Variants in GRID2IP observed in about 807,000 individuals in gnomAD.
The protein encoded by GRID2IP is Grid2 interacting protein, also known as delphilin.
GRID2IP carries 78 observed loss-of-function variants against 114.3 expected under a neutral mutation model. The observed-to-expected ratio is 0.68, with a 90% CI of 0.57 to 0.82. GRID2IP has a LOEUF of 0.82. GRID2IP is among the 40% of genes least tolerant of loss of function. The probability of loss-of-function intolerance (pLI) is 0.00; values close to 1 mark genes in which losing one functional copy is unlikely to be tolerated. For synonymous variants in GRID2IP, 809 were observed against 724.0 expected (o/e 1.12, Z -1.89); for missense variants, 1,727 against 1,678.5 (o/e 1.03, Z -0.51).
intron 2 of GRID2IP, among the ~76,000 whole-genome samples, chr7:6,527,175 C>T (rs893107108): frequency 6.6e-6 from 1 of 152,116 alleles, no homozygotes; most frequent in East Asian, 1.9e-4. Context: ...TCTCCCACCT[C>T]GTCTCTAGAT....
chr7:6,551,208 G>A lies in GRID2IP; in HGVS notation c.229C>T (p.Pro77Ser). 6.7e-7 allele frequency: 1 copy of A among 1,486,070 alleles called. No homozygotes were observed. The highest frequency in any genetic ancestry group is 8.9e-7 in the Non-Finnish European group (1 of 1,125,758). 92.1% of individuals were successfully genotyped at this position (1,486,070 alleles called of 1,614,324 possible). A position where few individuals can be genotyped will look rare whatever the true frequency, so the allele number is the denominator to read the frequency against. Residue 77 changes from proline (P) to serine (S), a missense_variant, in exon 1 of 22, where the codon CCC (proline) becomes TCC (serine). Transcript: ENST00000457091. ...GGAGCCGGGAGCACGCCCAGACTGG[G>A]CGGCACACGTGGGCAGCGCCGTGCC... ...RLARRCPRVP[P>S]SLGVLPAPDG...
Position 6,509,304 on chromosome 7 carries a change from G to T in GRID2IP, c.1781C>A (p.Thr594Asn). 1.3e-6 allele frequency: 2 copies of T among 1,507,334 alleles called. No homozygotes were observed. The highest frequency in any genetic ancestry group is 1.8e-6 in the Non-Finnish European group (2 of 1,127,048). 93.4% of individuals were successfully genotyped at this position (1,507,334 alleles called of 1,614,324 possible). The change falls in exon 12 of 22, where the codon ACC (threonine) becomes AAC (asparagine). Residue 594 changes from threonine to asparagine, a missense_variant. Thr to Asn is a moderately conservative substitution (Grantham distance 65). Transcript: ENST00000457091. This position sits in a 1 kb window ranked among gnomAD's most constrained non-coding sequence, Gnocchi z 4.9. ...GCTGGGCCATGAGACGCCGGACAGG[G>T]TCCTGGGCCCTGGAGGAGGGATGGA... ...PSPAVTTGPRTLSGVSWPSER... is the reference protein window; with the variant it reads ...PSPAVTTGPRNLSGVSWPSER...
At chr7:6,504,684 G>T in intron 15 of GRID2IP, 109 bp downstream of exon 15, 2 of 835,182 alleles carry the variant, frequency 2.4e-6, no homozygotes, top group Non-Finnish European at 3.8e-6. Flanking sequence ...AGCGACAGGA[G>T]GCCGGGTCCC....
intron 1 of GRID2IP, among the ~76,000 whole-genome samples, chr7:6,546,122 G>C (rs2115102111): frequency 6.6e-6 from 1 of 151,840 alleles, no homozygotes; most frequent in East Asian, 2.0e-4. Flanking sequence ...GGAAAAACTG[G>C]GGCAGGCAGA....
chr7:6,546,152 AG>A (rs1165442645), intron 1 of GRID2IP, among the ~76,000 whole-genome samples: 28 of 151,822 alleles, frequency 1.8e-4, no homozygotes, highest in South Asian at 8.3e-4. Context: ...CGAGAACTGG[AG>A]GGCTGGTGAT....
chr7:6,498,367 G>C (rs1485105404), intron 20 of GRID2IP, 139 bp from the exon 21 acceptor site: 4 of 758,622 alleles, frequency 5.3e-6, no homozygotes, highest in Non-Finnish European at 8.3e-6. Flanking sequence ...GTGTCCAACA[G>C]GGAACCAGGC....
At chr7:6,538,211 C>T (rs1243432763) in intron 2 of GRID2IP, among the ~76,000 whole-genome samples, 4 of 151,806 alleles carry the variant, frequency 2.6e-5, no homozygotes, top group African/African-American at 7.3e-5. Context: ...TAAAAAAATA[C>T]AAAAATTAGC....
rs1304222362 is a variant in GRID2IP, at chr7:6,510,915, G to T, written c.1548C>A (p.Leu516=). The T allele has an allele frequency of 1.4e-5, 22 of 1,549,938 alleles. No homozygotes were observed. The highest frequency in any genetic ancestry group is 1.8e-5 in the Non-Finnish European group (21 of 1,146,100). The change falls in exon 9 of 22, where the codon CTC becomes CTA. Residue 516 remains leucine, a synonymous_variant. Transcript: ENST00000457091. ...SLRSQGLEAG[L]SCGPSECPEM... ...CCCTGACACCAGCCTTACCGCAGCTGAGGCCGGCCTCCAGGCCCTGGGACC... is the reference window on the plus strand; with the variant it reads ...CCCTGACACCAGCCTTACCGCAGCTTAGGCCGGCCTCCAGGCCCTGGGACC...
intron 20 of GRID2IP, among the ~76,000 whole-genome samples, chr7:6,500,175 C>A (rs1484583097): frequency 6.7e-6 from 1 of 150,228 alleles, no homozygotes; most frequent in African/African-American, 2.4e-5. Flanking sequence ...TGCAAAACAT[C>A]TGGGTGGGCC....
At position 6,507,141 on chromosome 7, in the gene GRID2IP, A is replaced by G. The variant is rs1786616093; in HGVS notation, c.2544+844T>C. Among the ~76,000 whole-genome samples, 1 of 152,186 alleles carries G rather than the reference A, an allele frequency of 6.6e-6. No individual in the cohort carries two copies. Among genetic ancestry groups the G allele is most frequent in the Admixed American group, 6.5e-5 (1 of 15,282 alleles). On this transcript the variant is annotated intron_variant, in intron 13 of 21. Coordinates refer to ENST00000457091, the MANE Select transcript of GRID2IP (RefSeq NM_001145118.2). The surrounding 1 kb of genome is among the most constrained non-coding windows in gnomAD (Gnocchi z 5.3). ...ATGTGAGAGTGAGCTATTGATCCCA[A>G]GAAGATGGAGTTGAGGATGATGGTG...
intron 1 of GRID2IP, among the ~76,000 whole-genome samples, chr7:6,543,529 A>G (rs1245527147): frequency 6.6e-6 from 1 of 152,010 alleles, no homozygotes; most frequent in Non-Finnish European, 1.5e-5. Context: ...TCATCTCATC[A>G]GGCAGCCTTT....
At position 6,511,008 on chromosome 7, in the gene GRID2IP, G is replaced by C; in HGVS notation, c.1455C>G (p.Ser485=). The change falls in exon 9 of 22, where the codon TCC becomes TCG. Residue 485 remains serine (S), a synonymous_variant. Transcript: ENST00000457091. ...AEPEPELDLE[S]EPTPEPQPRS... is the part of the protein sequence containing the mutation. ...GCGGCTGGGGCTCAGGCGTGGGCTC[G>C]GACTCCAGGTCCAGCTCAGGCTCCG... 1 of 1,507,852 alleles carries C rather than the reference G, an allele frequency of 6.6e-7. No homozygotes were observed. 93.4% of individuals were successfully genotyped at this position (1,507,852 alleles called of 1,614,324 possible).
At chr7:6,499,786 G>C (rs542746813) in intron 20 of GRID2IP, among the ~76,000 whole-genome samples, 1 of 151,870 alleles carries the variant, frequency 6.6e-6, no homozygotes, top group East Asian at 1.9e-4. Flanking sequence ...CTACAGTGCA[G>C]TGGTGTGATC....
chr7:6,530,622 G>A (rs1779603192), intron 2 of GRID2IP, among the ~76,000 whole-genome samples: 1 of 151,582 alleles, frequency 6.6e-6, no homozygotes, highest in African/African-American at 2.4e-5. Flanking sequence ...CCAGCGAAAT[G>A]GTGGCAAGGG....
At position 6,499,031 on chromosome 7, in the gene GRID2IP, G is replaced by T. The variant is rs577615720; in HGVS notation, c.3400-803C>A. Among the ~76,000 whole-genome samples, 7 of 152,324 alleles carry T rather than the reference G, an allele frequency of 4.6e-5. No individual in the cohort carries two copies. In the South Asian group the frequency reaches 6.2e-4, roughly 14 times the overall value. On this transcript the variant is annotated intron_variant, in intron 20 of 21. Coordinates refer to ENST00000457091, the MANE Select transcript of GRID2IP (RefSeq NM_001145118.2). ...TGATACATGGTCAGTCTTGCAAAAA[G>T]ATTCAGTGGCTGAATCGCTATCATT...
intron 11 of GRID2IP, 87 bp downstream of exon 11, chr7:6,510,196 C>T (rs555331533): frequency 9.4e-6 from 8 of 852,024 alleles, no homozygotes; most frequent in Non-Finnish European, 1.5e-5. Context: ...CAACCCTGAC[C>T]CTGATGGAGC....
chr7:6,505,731 A>T, intron 14 of GRID2IP, 89 bp downstream of exon 14: 1 of 793,398 alleles, frequency 1.3e-6, no homozygotes, highest in Non-Finnish European at 2.1e-6. Flanking sequence ...GTTAAATAGT[A>T]GTCAGTGCAG....
In GRID2IP at chr7:6,523,117, T is replaced by G. The variant is rs1433499402; in HGVS notation, c.920-1160A>C. On this transcript the variant is annotated intron_variant, in intron 4 of 21. Coordinates refer to ENST00000457091, the MANE Select transcript of GRID2IP (RefSeq NM_001145118.2). This position sits in a 1 kb window ranked among gnomAD's most constrained non-coding sequence, Gnocchi z 4.5. ...CCACGTAGTCCTCTTTCTGCCTCTT[T>G]TATGAGTCATCATTCTAAATGTAAT... 1.3e-5 allele frequency among the ~76,000 whole-genome samples: 2 copies of G among 152,108 alleles called. No individual in the cohort carries two copies. The highest frequency in any genetic ancestry group is 4.8e-5 in the African/African-American group (2 of 41,408).
chr7:6,541,451 G>A (rs985364828), intron 1 of GRID2IP, among the ~76,000 whole-genome samples: 8 of 152,130 alleles, frequency 5.3e-5, no homozygotes, highest in African/African-American at 9.7e-5. Context: ...GTCCTGGCAC[G>A]TCAGCTTGGC....
Sources: allele counts gnomAD v4.1 joint callset (sites outside exome capture counted in the v4.1 genomes callset), GRCh38; gene constraint gnomAD v4.1.1; non-coding constraint Gnocchi (gnomAD v3.1); transcripts MANE v1.5; gene names NCBI Gene and HGNC (gene_info 2026-07-23, HGNC 2026-07-21).